Variants in PTBP2 observed in about 807,000 individuals in gnomAD.
The protein encoded by PTBP2 is polypyrimidine tract-binding protein 2.
PTBP2 carries 13 observed loss-of-function variants against 61.4 expected under a neutral mutation model. That is an observed-to-expected ratio of 0.21 (90% CI 0.14 to 0.34). The LOEUF (loss-of-function observed/expected upper bound fraction) is 0.34. PTBP2 is among the 10% of genes least tolerant of loss of function. The pLI, the probability that PTBP2 is intolerant of heterozygous loss-of-function variation, is 1.00. For synonymous variants in PTBP2, 215 were observed against 218.5 expected (o/e 0.98, Z 0.14); for missense variants, 405 against 642.6 (o/e 0.63, Z 4.00).
chr1:96,751,295 T>G, intron 2 of PTBP2, 130 bp from the exon 3 acceptor site: 1 of 783,396 alleles, frequency 1.3e-6, no homozygotes, highest in Non-Finnish European at 2.2e-6. Flanking sequence ...TGAAGTTAAT[T>G]TTTTATTATA....
rs562887510 is a variant in PTBP2 at position 96,813,065 on chromosome 1, C to T, written c.1425C>T (p.Phe475=). 2.7e-5 allele frequency: 44 copies of T among 1,613,334 alleles called. No homozygotes were observed. Among genetic ancestry groups the T allele is most frequent in the East Asian group, 8.9e-5 (4 of 44,862 alleles). Residue 475 remains phenylalanine, a synonymous_variant, in exon 13 of 14, where the codon TTC becomes TTT. Coordinates refer to ENST00000674951, the MANE Select transcript of PTBP2 (RefSeq NM_021190.4). Reference sequence around the variant, plus strand: ...CAGAAGAGGATCTACGAACACTGTTCGCTAACACTGGGGGCACTGTGAAAG... The same window carrying T: ...CAGAAGAGGATCTACGAACACTGTTTGCTAACACTGGGGGCACTGTGAAAG... ...SVAEEDLRTL[F]ANTGGTVKAF... is the part of the protein sequence containing the mutation.
chr1:96,819,535 T>C (rs1265142424), downstream of PTBP2: 3 of 151,996 alleles, frequency 2.0e-5, no homozygotes, highest in African/African-American at 7.2e-5. Flanking sequence ...AACTAAATGA[T>C]TTAGACTTTT....
At chr1:96,748,646 T>C (rs2100897725) in intron 2 of PTBP2, among the ~76,000 whole-genome samples, 1 of 152,306 alleles carries the variant, frequency 6.6e-6, no homozygotes, top group African/African-American at 2.4e-5. Context: ...ATATCATTCT[T>C]AGATTAATTA....
At chr1:96,789,786 C>G in intron 8 of PTBP2, among the ~76,000 whole-genome samples, 1 of 152,004 alleles carries the variant, frequency 6.6e-6, no homozygotes. Flanking sequence ...TTTATCTATT[C>G]AGTTTTTCTT....
chr1:96,746,186 T>G (rs1653740409), intron 2 of PTBP2, among the ~76,000 whole-genome samples: 1 of 152,188 alleles, frequency 6.6e-6, no homozygotes, highest in Admixed American at 6.5e-5. Context: ...GAGGGTATAT[T>G]TAAAGGTATA....
chr1:96,757,829 T>G (rs1241548570), intron 3 of PTBP2, among the ~76,000 whole-genome samples: 1 of 152,130 alleles, frequency 6.6e-6, no homozygotes, highest in Non-Finnish European at 1.5e-5. Flanking sequence ...ACATGGATTA[T>G]AGAAGTGTTA....
At chr1:96,773,995 A>G (rs984247415) in intron 5 of PTBP2, among the ~76,000 whole-genome samples, 24 of 149,560 alleles carry the variant, frequency 1.6e-4, no homozygotes, top group East Asian at 4.0e-4. Flanking sequence ...TCCTGGTACC[A>G]GCAGGGCACT....
At chr1:96,725,294 T>A (rs1570678717) in intron 2 of PTBP2, among the ~76,000 whole-genome samples, 1 of 149,208 alleles carries the variant, frequency 6.7e-6, no homozygotes, top group East Asian at 2.0e-4. Flanking sequence ...ATGTATTGGT[T>A]ACACCAGTTT....
chr1:96,736,839 G>T (rs538147762), intron 2 of PTBP2, among the ~76,000 whole-genome samples: 65 of 152,032 alleles, frequency 4.3e-4, no homozygotes, highest in African/African-American at 1.5e-3. Context: ...ACCACACCTG[G>T]CTAATTTTTG....
At chr1:96,756,182 T>C (rs1655140598) in intron 3 of PTBP2, among the ~76,000 whole-genome samples, 1 of 152,304 alleles carries the variant, frequency 6.6e-6, no homozygotes, top group African/African-American at 2.4e-5. Flanking sequence ...GCGGATCACC[T>C]GAGGTCAGAA....
chr1:96,768,494 G>A (rs1657004484), intron 3 of PTBP2, among the ~76,000 whole-genome samples: 1 of 151,844 alleles, frequency 6.6e-6, no homozygotes, highest in African/African-American at 2.4e-5. Flanking sequence ...GTATATTTCT[G>A]AATGTGTCAA....
intron 9 of PTBP2, 103 bp from the exon 10 acceptor site, chr1:96,806,316 C>T: frequency 1.0e-6 from 1 of 959,040 alleles, no homozygotes; most frequent in Non-Finnish European, 1.7e-6. Flanking sequence ...CCTCACCATT[C>T]TGCGGGAACC....
At chr1:96,796,905 G>T (rs1447612034) in intron 8 of PTBP2, among the ~76,000 whole-genome samples, 1 of 152,106 alleles carries the variant, frequency 6.6e-6, no homozygotes, top group Admixed American at 6.6e-5. Context: ...AGTGTTGAAT[G>T]ACCATTACAA....
chr1:96,798,240 T>C (rs745626393), intron 8 of PTBP2, among the ~76,000 whole-genome samples: 1 of 151,960 alleles, frequency 6.6e-6, no homozygotes, highest in African/African-American at 2.4e-5. Context: ...ACACTGTCTC[T>C]ACTAAAAATA....
rs138420827 is a variant in PTBP2, at chr1:96,727,865, T to C, written c.39+4271T>C. ...ATTGTCTTTTGAAGAGCAACAGTTA[T>C]TAAATCTGATGGACTCCAGTTTACC... On this transcript the variant is annotated intron_variant, in intron 2 of 13. Transcript: ENST00000674951. Among the ~76,000 whole-genome samples, 703 of 152,312 alleles carry C rather than the reference T, an allele frequency of 4.6e-3. 5 individuals are homozygous for C. Among genetic ancestry groups the C allele is most frequent in the African/African-American group, 0.016 (648 of 41,566 alleles).
chr1:96,787,350 A>G (rs1293322280), intron 8 of PTBP2, among the ~76,000 whole-genome samples: 2 of 152,082 alleles, frequency 1.3e-5, no homozygotes, highest in African/African-American at 4.8e-5. Flanking sequence ...AGCGTTGTAC[A>G]TTTTTACATT....
intron 9 of PTBP2, 42 bp from the exon 10 acceptor site, chr1:96,806,377 C>CT: frequency 6.9e-7 from 1 of 1,448,254 alleles, no homozygotes; most frequent in East Asian, 2.3e-5. Context: ...CGACTCTTCT[C>CT]TCTTCTTGTC....
chr1:96,769,654 A>G (rs1298619289), intron 3 of PTBP2, 49 bp from the exon 4 acceptor site: 4 of 1,271,436 alleles, frequency 3.1e-6, no homozygotes, highest in African/African-American at 3.1e-5. Flanking sequence ...GAAAATTCAT[A>G]CATTCTTTTA....
At chr1:96,769,103 T>C (rs1207122272) in intron 3 of PTBP2, among the ~76,000 whole-genome samples, 1 of 151,986 alleles carries the variant, frequency 6.6e-6, no homozygotes, top group Non-Finnish European at 1.5e-5. Context: ...AGAAATGCAT[T>C]GTTAGGTAAT....
Sources: gnomAD v4.1 joint callset for allele counts (sites outside exome capture counted in the v4.1 genomes callset) on GRCh38, gnomAD v4.1.1 for gene constraint, MANE v1.5 for transcripts, NCBI Gene and HGNC (gene_info 2026-07-23, HGNC 2026-07-21) for gene names.